LRP1B: variants seen among roughly 807,000 people sequenced by gnomAD.
LRP1B encodes LDL receptor related protein 1B.
In LRP1B, 217 loss-of-function variants were observed where a neutral mutation model predicts 556.6. The observed-to-expected ratio is 0.39, with a 90% confidence interval of 0.35 to 0.44. The LOEUF (loss-of-function observed/expected upper bound fraction) is 0.44, where lower values mean the gene tolerates loss of function less well. Among genes scored for constraint, LRP1B ranks in the 20% least tolerant of loss-of-function variants. LRP1B has a pLI of 1.00. For synonymous variants in LRP1B, 2,047 were observed against 1,865.8 expected (o/e 1.10, Z -2.50); for missense variants, 5,053 against 5,620.8 (o/e 0.90, Z 3.23).
chr2:140,600,767 GTTTTTTTTTT>G lies in LRP1B; in HGVS notation c.6989+673_6989+682del, dbSNP rs61336155. On this transcript the variant is annotated intron_variant, in intron 42 of 90. Transcript: ENST00000389484. ...CCTTACCTGTGCTTTGTTCTTCGGG[GTTTTTTTTTT>G]TTTTTTTTTTTTTTTTACATAACTG... is the stretch of plus-strand genomic sequence containing the variant. 1.9e-3 allele frequency among the ~76,000 whole-genome samples: 107 copies of G among 56,902 alleles called. 1 individual carries two copies. The highest frequency in any genetic ancestry group is 2.7e-3 in the Non-Finnish European group (79 of 29,578). The allele number at this position is 56,902 out of a possible 152,430, so 37.3% of individuals were successfully genotyped here. A position where few individuals can be genotyped will look rare whatever the true frequency, so the allele number is the denominator to read the frequency against.
At chr2:141,890,335 T>TAC (rs1476746600) in intron 1 of LRP1B, among the ~76,000 whole-genome samples, 7 of 76,380 alleles carry the variant, frequency 9.2e-5, no homozygotes, top group African/African-American at 3.3e-4. Flanking sequence ...TATATATATA[T>TAC]ATATATATAT....
chr2:140,628,157 T>C (rs919721776), intron 41 of LRP1B, among the ~76,000 whole-genome samples: 10 of 152,158 alleles, frequency 6.6e-5, no homozygotes, highest in African/African-American at 2.4e-4. Flanking sequence ...TCACATGGTG[T>C]CAAGATGTGT....
intron 1 of LRP1B, among the ~76,000 whole-genome samples, chr2:141,867,349 C>T (rs865834685): frequency 8.6e-5 from 13 of 151,906 alleles, no homozygotes; most frequent in Middle Eastern, 3.4e-3. Flanking sequence ...TACACTAGAC[C>T]AGAATTAATT....
chr2:141,464,075 C>T (rs1573974065), intron 3 of LRP1B, among the ~76,000 whole-genome samples: 1 of 151,724 alleles, frequency 6.6e-6, no homozygotes, highest in Admixed American at 6.6e-5. Context: ...TCCTGGCTGG[C>T]GAATCCACAC....
rs541753128 is a variant in LRP1B at position 141,065,686 on chromosome 2, A to C, written c.1014-3413T>G. Among the ~76,000 whole-genome samples the C allele has an allele frequency of 8.6e-5, 13 of 151,998 alleles. No homozygotes were observed. The East Asian group carries it at 2.1e-3, about 25-fold the overall frequency. ...ATTGTTACCACCCCTAGGGCTTAGA[A>C]ACAGTGGGAAAGCCTATGATCTACC... is the stretch of plus-strand genomic sequence containing the variant. On this transcript the variant is annotated intron_variant, in intron 7 of 90. Coordinates refer to ENST00000389484, the MANE Select transcript of LRP1B (RefSeq NM_018557.3).
chr2:141,459,101 GGACA>G (rs10599560), intron 3 of LRP1B, among the ~76,000 whole-genome samples: 108,861 of 151,678 alleles, frequency 0.72, 41,762 homozygotes, highest in Non-Finnish European at 0.85. Context: ...GAGCTGAACA[GGACA>G]GTATGTTCAA....
intron 2 of LRP1B, among the ~76,000 whole-genome samples, chr2:141,483,724 C>A (rs1361163297): frequency 6.6e-6 from 1 of 152,030 alleles, no homozygotes. Context: ...TGATGATGAG[C>A]GTTTTTTCAT....
chr2:140,560,816 A>T (rs1266408660), intron 43 of LRP1B, among the ~76,000 whole-genome samples: 2 of 152,196 alleles, frequency 1.3e-5, no homozygotes, highest in Admixed American at 1.3e-4. Context: ...TAGCTCACAC[A>T]TTATACTTAC....
chr2:141,702,974 C>A (rs1396372892), intron 2 of LRP1B, among the ~76,000 whole-genome samples: 1 of 151,842 alleles, frequency 6.6e-6, no homozygotes, highest in African/African-American at 2.4e-5. Flanking sequence ...AGTCATGCCT[C>A]ACCAAATGAA....
intron 83 of LRP1B, 88 bp downstream of exon 83, chr2:140,314,847 G>A: frequency 1.2e-6 from 1 of 849,572 alleles, no homozygotes; most frequent in Non-Finnish European, 1.8e-6. Context: ...AAGATATTAG[G>A]AAGTATATTT....
At chr2:140,263,291 A>C (rs568067916) in intron 86 of LRP1B, among the ~76,000 whole-genome samples, 3 of 152,134 alleles carry the variant, frequency 2.0e-5, no homozygotes, top group Non-Finnish European at 1.5e-5. Context: ...TGCATCAAAA[A>C]TCCAGCAGTC....
chr2:140,430,758 T>C (rs1304394985), intron 66 of LRP1B, among the ~76,000 whole-genome samples: 3 of 152,206 alleles, frequency 2.0e-5, no homozygotes, highest in Non-Finnish European at 4.4e-5. Flanking sequence ...AGCCCGTCTC[T>C]TAGAACATCT....
At chr2:141,621,881 T>G (rs1688516469) in intron 2 of LRP1B, among the ~76,000 whole-genome samples, 1 of 151,972 alleles carries the variant, frequency 6.6e-6, no homozygotes, top group African/African-American at 2.4e-5. Flanking sequence ...TCTCTCTTTT[T>G]TGTTTGTTTG....
intron 41 of LRP1B, among the ~76,000 whole-genome samples, chr2:140,666,898 C>T (rs1228801231): frequency 6.6e-6 from 1 of 152,174 alleles, no homozygotes; most frequent in Non-Finnish European, 1.5e-5. Flanking sequence ...ATAAAGCTAG[C>T]ACACATTCTC....
chr2:141,892,086 C>T (rs937178936), intron 1 of LRP1B, among the ~76,000 whole-genome samples: 12 of 151,902 alleles, frequency 7.9e-5, no homozygotes, highest in South Asian at 2.1e-4. Context: ...ATCATCAAAA[C>T]AAATGATTAC....
intron 18 of LRP1B, among the ~76,000 whole-genome samples, chr2:140,981,750 A>G (rs1432920969): frequency 6.6e-6 from 1 of 152,142 alleles, no homozygotes; most frequent in Non-Finnish European, 1.5e-5. Context: ...TATTCTTCCC[A>G]GAAGATAACA....
chr2:141,321,802 G>A (rs1405951179), intron 3 of LRP1B, among the ~76,000 whole-genome samples: 6 of 152,064 alleles, frequency 3.9e-5, no homozygotes, highest in Non-Finnish European at 8.8e-5. Context: ...TTTTAAATTT[G>A]TAGTTTACAA....
chr2:141,488,906 C>G (rs1390165467), intron 2 of LRP1B, among the ~76,000 whole-genome samples: 1 of 151,750 alleles, frequency 6.6e-6, no homozygotes, highest in Non-Finnish European at 1.5e-5. Context: ...CTAAGTTATA[C>G]ATGAAGATTT....
chr2:140,957,674 T>C (rs1006975626), intron 18 of LRP1B, among the ~76,000 whole-genome samples: 24 of 151,444 alleles, frequency 1.6e-4, no homozygotes, highest in Admixed American at 1.2e-3. Flanking sequence ...GAATGATATA[T>C]AAAAACGTTG....
Sources: allele counts gnomAD v4.1 joint callset (sites outside exome capture counted in the v4.1 genomes callset), GRCh38; gene constraint gnomAD v4.1.1; transcripts MANE v1.5; gene names NCBI Gene and HGNC (gene_info 2026-07-23, HGNC 2026-07-21).